The following FRMD4A variants were observed in gnomAD, a reference collection of about 807,000 sequenced individuals.
FRMD4A encodes the protein FERM domain containing 4A.
In FRMD4A, 29 loss-of-function variants were observed where a neutral mutation model predicts 129.1. The observed-to-expected ratio is 0.22, with a 90% CI of 0.17 to 0.31. FRMD4A has a LOEUF of 0.31. Among genes scored for constraint, FRMD4A ranks in the 10% least tolerant of loss-of-function variants. FRMD4A has a pLI of 1.00. For synonymous variants in FRMD4A, 634 were observed against 571.6 expected, an observed-to-expected ratio of 1.11 and a Z score of -1.56; for missense variants, 1,272 against 1,375.8, an observed-to-expected ratio of 0.92 and a Z score of 1.19.
chr10:13,981,508 A>G (rs1214862727), intron 2 of FRMD4A, among the ~76,000 whole-genome samples: 1 of 152,054 alleles, frequency 6.6e-6, no homozygotes, highest in African/African-American at 2.4e-5. Flanking sequence ...TGGGAGGCCG[A>G]GGCAGGCGGA....
intron 2 of FRMD4A, among the ~76,000 whole-genome samples, chr10:13,921,254 C>T (rs200407190): frequency 1.9e-4 from 1 of 5,312 alleles, no homozygotes; most frequent in Non-Finnish European, 5.4e-4. Context: ...CTCTTTCTCT[C>T]TCTCTCTCTC....
chr10:13,842,620 G>A (rs1460926111), intron 3 of FRMD4A, among the ~76,000 whole-genome samples: 1 of 152,254 alleles, frequency 6.6e-6, no homozygotes, highest in African/African-American at 2.4e-5. Context: ...TTTGCACAAA[G>A]TGCGAGCTTT....
intron 2 of FRMD4A, among the ~76,000 whole-genome samples, chr10:14,136,874 A>G (rs1447910688): frequency 6.6e-6 from 1 of 152,168 alleles, no homozygotes; most frequent in Non-Finnish European, 1.5e-5. Context: ...ATAAACCTAA[A>G]TGGACTGAGA....
intron 3 of FRMD4A, among the ~76,000 whole-genome samples, chr10:13,852,187 G>A (rs1239943906): frequency 1.3e-5 from 2 of 151,832 alleles, no homozygotes; most frequent in Non-Finnish European, 2.9e-5. Flanking sequence ...TACTGCTCTA[G>A]AAATAGCCAT....
chr10:13,795,122 T>C lies in FRMD4A; in HGVS notation c.299+1374A>G, dbSNP rs532258439. On this transcript the variant is annotated intron_variant, in intron 5 of 24. Transcript: ENST00000357447. ...CCAGGGAGGTGGGGAGAGCCTGATA[T>C]ATGGTAAATGCACTCATCCACCTGC... Among the ~76,000 whole-genome samples, 5 of 152,334 alleles carry C rather than the reference T, an allele frequency of 3.3e-5. No homozygotes were observed. In the South Asian group the frequency reaches 1.0e-3, roughly 32 times the overall value.
At chr10:13,980,427 C>A (rs558381979) in intron 2 of FRMD4A, among the ~76,000 whole-genome samples, 1 of 152,154 alleles carries the variant, frequency 6.6e-6, no homozygotes, top group Non-Finnish European at 1.5e-5. Flanking sequence ...CATAAATGGT[C>A]GGTTAAAATT....
chr10:13,989,427 C>T (rs942703882), intron 2 of FRMD4A, among the ~76,000 whole-genome samples: 1 of 152,114 alleles, frequency 6.6e-6, no homozygotes, highest in Non-Finnish European at 1.5e-5. Context: ...GCCATCTTGG[C>T]TCACTGCAAC....
intron 2 of FRMD4A, among the ~76,000 whole-genome samples, chr10:13,862,667 GAATCATC>G (rs2094310541): frequency 6.6e-6 from 1 of 152,214 alleles, no homozygotes; most frequent in Non-Finnish European, 1.5e-5. Context: ...ACTCACCTTT[GAATCATC>G]ATGTTTTTGA....
intron 2 of FRMD4A, among the ~76,000 whole-genome samples, chr10:14,210,332 G>T (rs1006451005): frequency 1.1e-4 from 17 of 152,138 alleles, no homozygotes; most frequent in South Asian, 2.1e-4. Flanking sequence ...CAAATCTGCT[G>T]GCGCCTTGGT....
At chr10:13,972,009 G>C in intron 2 of FRMD4A, 1 of 1,178,006 alleles carries the variant, frequency 8.5e-7, no homozygotes, top group East Asian at 5.9e-5. Flanking sequence ...TTCCTTCAAG[G>C]ATAAGCAAAA....
chr10:13,895,227 C>T (rs71479847), intron 2 of FRMD4A, among the ~76,000 whole-genome samples: 3 of 152,084 alleles, frequency 2.0e-5, no homozygotes, highest in African/African-American at 7.2e-5. Flanking sequence ...TCCATATCTT[C>T]CCCCTCCTCT....
intron 3 of FRMD4A, among the ~76,000 whole-genome samples, chr10:13,846,358 A>G (rs947791709): frequency 2.0e-5 from 3 of 152,224 alleles, no homozygotes; most frequent in African/African-American, 7.2e-5. Flanking sequence ...TACATTTTCT[A>G]TCATCTGGTT....
chr10:13,731,873 C>A (rs544511915), intron 12 of FRMD4A, among the ~76,000 whole-genome samples: 2 of 152,060 alleles, frequency 1.3e-5, no homozygotes, highest in African/African-American at 2.4e-5. Context: ...CCGAAGTTGG[C>A]CTTCAGAAGT....
At chr10:14,259,494 G>A (rs1314480740) in intron 2 of FRMD4A, among the ~76,000 whole-genome samples, 3 of 152,006 alleles carry the variant, frequency 2.0e-5, no homozygotes, top group Non-Finnish European at 2.9e-5. Flanking sequence ...TCATACTCCT[G>A]CAAATGTAAT....
At chr10:14,049,990 C>T (rs1159665531) in intron 2 of FRMD4A, among the ~76,000 whole-genome samples, 2 of 152,208 alleles carry the variant, frequency 1.3e-5, no homozygotes, top group Admixed American at 6.5e-5. Flanking sequence ...ATTTACTGAG[C>T]ACCTACGACA....
intron 15 of FRMD4A, among the ~76,000 whole-genome samples, chr10:13,687,579 C>G (rs1013100120): frequency 6.6e-5 from 10 of 152,066 alleles, no homozygotes; most frequent in African/African-American, 2.2e-4. Context: ...TTTAAAAGAC[C>G]CTGAACATGT....
At chr10:13,702,984 G>T (rs1351776688) in intron 13 of FRMD4A, among the ~76,000 whole-genome samples, 2 of 151,422 alleles carry the variant, frequency 1.3e-5, no homozygotes, top group African/African-American at 2.4e-5. Context: ...AGGAGCCAGG[G>T]AGAGAGCGAG....
chr10:14,264,285 T>C (rs1272168570), intron 2 of FRMD4A, among the ~76,000 whole-genome samples: 1 of 152,208 alleles, frequency 6.6e-6, no homozygotes, highest in East Asian at 1.9e-4. Flanking sequence ...TTCTGTTTTA[T>C]CTTTTATCCC....
At chr10:14,056,814 A>G (rs1834555814) in intron 2 of FRMD4A, among the ~76,000 whole-genome samples, 1 of 152,188 alleles carries the variant, frequency 6.6e-6, no homozygotes, top group Non-Finnish European at 1.5e-5. Flanking sequence ...TTCTAGGGAG[A>G]GAAACGAGCT....
Sources: gnomAD v4.1 joint callset for allele counts (sites outside exome capture counted in the v4.1 genomes callset) on GRCh38, gnomAD v4.1.1 for gene constraint, MANE v1.5 for transcripts, NCBI Gene and HGNC (gene_info 2026-07-23, HGNC 2026-07-21) for gene names.